The following ZNF469 variants were observed in gnomAD, a reference collection of about 807,000 sequenced individuals.
ZNF469 encodes zinc finger protein 469.
A neutral mutation model predicts 1.0 loss-of-function variants in ZNF469; 1 was observed. That is an observed-to-expected ratio of 1.00 (90% CI 0.35 to 4.73). The LOEUF (loss-of-function observed/expected upper bound fraction) is 4.73, where lower values mean the gene tolerates loss of function less well. Ranked by LOEUF, ZNF469 falls within the 30% of genes most tolerant of loss-of-function variation. The pLI is 0.16. For synonymous variants in ZNF469, 2,703 were observed against 2,363.4 expected (o/e 1.14, Z -4.17); for missense variants, 6,100 against 5,356.3 (o/e 1.14, Z -4.33).
the ZNF469 span, among the ~76,000 whole-genome samples, chr16:88,307,805 C>T: frequency 1.3e-5 from 2 of 152,188 alleles, no homozygotes; most frequent in African/African-American, 4.8e-5. Context: ...TTTTCACTTT[C>T]TTAATGGTAT....
chr16:88,277,714 G>T, the ZNF469 span, among the ~76,000 whole-genome samples: 1 of 77,894 alleles, frequency 1.3e-5, no homozygotes, highest in African/African-American at 5.1e-5. Context: ...CCACACTGAC[G>T]CTTGGTCAGT....
At chr16:88,178,865 C>CGCCCACCACCTTCACCTGGAGGCT in the ZNF469 span, 1 of 145,032 alleles carries the variant, frequency 6.9e-6, no homozygotes, top group Non-Finnish European at 1.6e-5. Flanking sequence ...ACCTGGAGGC[C>CGCCCACCACCTTCACCTGGAGGCT]GCCTTCACCT....
chr16:88,413,825 C>T (rs2142285262), intron 1 of ZNF469, among the ~76,000 whole-genome samples: 1 of 152,312 alleles, frequency 6.6e-6, no homozygotes, highest in African/African-American at 2.4e-5. Flanking sequence ...GCCTCCGCAG[C>T]AGTGGGGAGA....
chr16:88,344,845 A>C, the ZNF469 span, among the ~76,000 whole-genome samples: 2 of 152,278 alleles, frequency 1.3e-5, no homozygotes, highest in African/African-American at 4.8e-5. Flanking sequence ...AAACCACCAC[A>C]TTGGCTCTGG....
the ZNF469 span, among the ~76,000 whole-genome samples, chr16:88,344,718 G>C: frequency 1.3e-5 from 2 of 152,240 alleles, no homozygotes; most frequent in Non-Finnish European, 2.9e-5. Context: ...GGCCATGGTG[G>C]ACCCAGGATG....
Position 88,428,662 on chromosome 16 carries a change from C to T in ZNF469, c.1192C>T (p.Pro398Ser). Residue 398 changes from proline to serine, a missense_variant, in exon 3 of 3, where the codon CCT becomes TCT. Pro to Ser is a moderately conservative substitution (Grantham distance 74). Coordinates refer to ENST00000565624, the MANE Select transcript of ZNF469 (RefSeq NM_001367624.2). Reference sequence around the variant, plus strand: ...TGGGCTGGGGAGCACGAGAGGGCCCCCTAGCTCCCTACCCCAGAGGCACTT... The same window carrying T: ...TGGGCTGGGGAGCACGAGAGGGCCCTCTAGCTCCCTACCCCAGAGGCACTT... ...QDGLGSTRGP[P>S]SSLPQRHFPG... 1 of 1,550,038 alleles carries T rather than the reference C, an allele frequency of 6.5e-7. No homozygotes were observed. The highest frequency in any genetic ancestry group is 8.7e-7 in the Non-Finnish European group (1 of 1,146,842).
the ZNF469 span, among the ~76,000 whole-genome samples, chr16:88,119,664 G>A: frequency 0.011 from 1,610 of 152,312 alleles, 27 homozygotes; most frequent in African/African-American, 0.035. Flanking sequence ...GGGTCCAGCC[G>A]TTTGGGTGGA....
chr16:88,132,285 G>C, the ZNF469 span, among the ~76,000 whole-genome samples: 1 of 152,236 alleles, frequency 6.6e-6, no homozygotes, highest in Admixed American at 6.5e-5. Context: ...CGGTGCTCGG[G>C]GACGGACGCT....
At chr16:88,400,521 C>T (rs779833161) in intron 1 of ZNF469, among the ~76,000 whole-genome samples, 7 of 152,186 alleles carry the variant, frequency 4.6e-5, no homozygotes, top group Admixed American at 1.3e-4. Context: ...CCCTGCTTTC[C>T]GGAACCTCTA....
chr16:88,121,472 ACGTT>A, the ZNF469 span, among the ~76,000 whole-genome samples: 1 of 152,206 alleles, frequency 6.6e-6, no homozygotes, highest in South Asian at 2.1e-4. Context: ...CCAGAATGAA[ACGTT>A]CGCAAAGAAA....
Position 88,427,405 on chromosome 16 carries a change from G to C in ZNF469, c.-66G>C, listed in dbSNP as rs1276081471. On this transcript the variant is annotated 5_prime_UTR_variant, in exon 3 of 3. Transcript: ENST00000565624. ...GGCCCATCGAGGGCTGAGGATGGCC[G>C]TCCAGCCCACTCCCCAGGGCCCCCC... is the stretch of plus-strand genomic sequence containing the variant. 7.0e-7 allele frequency: 1 copy of C among 1,420,518 alleles called. No individual in the cohort carries two copies. The highest frequency in any genetic ancestry group is 2.5e-5 in the East Asian group (1 of 39,486). 88.0% of individuals were successfully genotyped at this position (1,420,518 alleles called of 1,614,324 possible). A position where few individuals can be genotyped will look rare whatever the true frequency, so the allele number is the denominator to read the frequency against.
chr16:88,366,580 TTC>T, the ZNF469 span, among the ~76,000 whole-genome samples: 5 of 34,910 alleles, frequency 1.4e-4, no homozygotes, highest in East Asian at 2.5e-3. Context: ...CATCATCACC[TTC>T]ACCACCATCA....
chr16:88,214,553 G>A, the ZNF469 span, among the ~76,000 whole-genome samples: 4 of 151,794 alleles, frequency 2.6e-5, no homozygotes, highest in Admixed American at 2.0e-4. Context: ...AGTGCAGAAC[G>A]TGCAGGTTTG....
chr16:88,405,989 G>A (rs1434643401), intron 1 of ZNF469, among the ~76,000 whole-genome samples: 1 of 152,210 alleles, frequency 6.6e-6, no homozygotes, highest in Non-Finnish European at 1.5e-5. Flanking sequence ...ATTGCTTTTG[G>A]GGACTTTGAA....
the ZNF469 span, among the ~76,000 whole-genome samples, chr16:88,326,169 G>A: frequency 6.6e-6 from 1 of 152,250 alleles, no homozygotes; most frequent in Non-Finnish European, 1.5e-5. Context: ...CATGTTGTGG[G>A]AGGGGACCCA....
chr16:88,253,233 A>G, the ZNF469 span, among the ~76,000 whole-genome samples: 1 of 152,326 alleles, frequency 6.6e-6, no homozygotes, highest in East Asian at 1.9e-4. Context: ...CTACCTAGGA[A>G]TTGAAATGAG....
At chr16:88,279,709 G>C in the ZNF469 span, among the ~76,000 whole-genome samples, 2 of 149,392 alleles carry the variant, frequency 1.3e-5, no homozygotes, top group Non-Finnish European at 3.0e-5. Flanking sequence ...GTACCTTGTA[G>C]ATATCAGTGC....
chr16:88,392,400 C>T (rs1278840662), intron 1 of ZNF469, among the ~76,000 whole-genome samples: 3 of 152,240 alleles, frequency 2.0e-5, no homozygotes, highest in East Asian at 1.9e-4. Context: ...AGCCTTCTCA[C>T]GCCTGACAGC....
chr16:88,204,814 T>A, the ZNF469 span, among the ~76,000 whole-genome samples: 1 of 152,262 alleles, frequency 6.6e-6, no homozygotes, highest in East Asian at 1.9e-4. Flanking sequence ...AGTCTGCAGC[T>A]TTTCACTGTC....
Sources: allele counts gnomAD v4.1 joint callset (sites outside exome capture counted in the v4.1 genomes callset), GRCh38; gene constraint gnomAD v4.1.1; transcripts MANE v1.5; gene names NCBI Gene and HGNC (gene_info 2026-07-23, HGNC 2026-07-21).